CMTM4: variants seen among roughly 807,000 people sequenced by gnomAD.
CMTM4 encodes CKLF-like MARVEL transmembrane domain-containing protein 4.
A neutral mutation model predicts 19.0 loss-of-function variants in CMTM4; 8 were observed. The ratio of observed to expected loss-of-function variants is 0.42; its 90% CI spans 0.25 to 0.76. The LOEUF is 0.76. Among genes scored for constraint, CMTM4 ranks in the 30% least tolerant of loss-of-function variants. The probability of loss-of-function intolerance (pLI) is 0.27; values close to 1 mark genes in which losing one functional copy is unlikely to be tolerated. For missense variants in CMTM4, 228 were observed against 290.2 expected, an observed-to-expected ratio of 0.79 and a Z score of 1.56; for synonymous variants, 106 against 121.1, an observed-to-expected ratio of 0.88 and a Z score of 0.82.
Position 66,692,865 on chromosome 16 carries a change from C to A in CMTM4, c.186+3475G>T, listed in dbSNP as rs939702629. Among the ~76,000 whole-genome samples the A allele has an allele frequency of 4.6e-4, 70 of 151,252 alleles. 1 individual carries two copies. The highest frequency in any genetic ancestry group is 1.7e-3 in the African/African-American group (69 of 41,138). ...GAGGCTGCAGTGAGCCAAGATCTTGCCACTGCACTGCAGCCTGGGTGACAG... is the reference window on the plus strand; with the variant it reads ...GAGGCTGCAGTGAGCCAAGATCTTGACACTGCACTGCAGCCTGGGTGACAG... On this transcript the variant is annotated intron_variant, in intron 1 of 3. Coordinates refer to ENST00000394106, the MANE Select transcript of CMTM4 (RefSeq NM_181521.3).
chr16:66,603,542 C>T, the CMTM4 span, among the ~76,000 whole-genome samples: 4 of 152,210 alleles, frequency 2.6e-5, no homozygotes, highest in East Asian at 7.7e-4. Context: ...CCACCTCAGC[C>T]TCCCAACGTG....
chr16:66,613,446 A>T (rs1210569834), downstream of CMTM4: 1 of 329,740 alleles, frequency 3.0e-6, no homozygotes, highest in Non-Finnish European at 5.7e-6. Context: ...GAGTTCCTGG[A>T]CCCTCAGGAC....
chr16:66,600,148 T>G, the CMTM4 span, among the ~76,000 whole-genome samples: 2 of 145,866 alleles, frequency 1.4e-5, no homozygotes, highest in Non-Finnish European at 3.0e-5. Context: ...TTTTTTTTGT[T>G]TTTTTTTTTT....
chr16:66,646,927 G>A (rs916871034), intron 1 of CMTM4, among the ~76,000 whole-genome samples: 56 of 151,882 alleles, frequency 3.7e-4, no homozygotes, highest in African/African-American at 1.2e-3. Flanking sequence ...GGATGGTCTC[G>A]AACTCCTGAC....
chr16:66,676,370 A>C (rs1043797868), intron 1 of CMTM4, among the ~76,000 whole-genome samples: 12 of 152,200 alleles, frequency 7.9e-5, no homozygotes, highest in African/African-American at 2.9e-4. Flanking sequence ...AAAGATGATC[A>C]CAAATCACAG....
intron 1 of CMTM4, among the ~76,000 whole-genome samples, chr16:66,637,771 C>T (rs983850616): frequency 1.3e-5 from 2 of 152,178 alleles, no homozygotes; most frequent in African/African-American, 4.8e-5. Flanking sequence ...GCTCCCGCTC[C>T]GCCCAGTTCA....
intron 1 of CMTM4, among the ~76,000 whole-genome samples, chr16:66,695,811 T>G (rs935635480): frequency 2.0e-5 from 3 of 152,170 alleles, no homozygotes; most frequent in African/African-American, 7.2e-5. Flanking sequence ...ATATCTGGGC[T>G]CCTCCACTGC....
At position 66,696,713 on chromosome 16, in the gene CMTM4, T is replaced by A; in HGVS notation, c.-188A>T. 6.3e-6 allele frequency: 1 copy of A among 158,376 alleles called. No homozygotes were observed. The highest frequency in any genetic ancestry group is 1.3e-5 in the Non-Finnish European group (1 of 76,360). The allele number at this position is 158,376 out of a possible 1,614,324, so 9.8% of individuals were successfully genotyped here. On this transcript the variant is annotated 5_prime_UTR_variant, in exon 1 of 4. Coordinates refer to ENST00000394106, the MANE Select transcript of CMTM4 (RefSeq NM_181521.3). The surrounding 1 kb of genome is among the most constrained non-coding windows in gnomAD (Gnocchi z 4.3). ...CGGCTGCGGCTCGGTCCGCTCGGGC[T>A]CGGCTCCCGCCGCCTCGGCAGCGGA... is the stretch of plus-strand genomic sequence containing the variant.
chr16:66,674,210 T>C (rs566982681), intron 1 of CMTM4, among the ~76,000 whole-genome samples: 1 of 152,226 alleles, frequency 6.6e-6, no homozygotes, highest in Non-Finnish European at 1.5e-5. Flanking sequence ...CTTGACCAGA[T>C]AGATGGAAAA....
chr16:66,645,651 T>G (rs888582709), intron 1 of CMTM4, among the ~76,000 whole-genome samples: 1 of 151,534 alleles, frequency 6.6e-6, no homozygotes, highest in Non-Finnish European at 1.5e-5. Flanking sequence ...TATGAATAAA[T>G]GCACATGTAT....
Position 66,621,864 on chromosome 16 carries a change from T to A in CMTM4, c.*194A>T. On this transcript the variant is annotated 3_prime_UTR_variant, in exon 4 of 4. Coordinates refer to ENST00000394106, the MANE Select transcript of CMTM4 (RefSeq NM_181521.3). ...CCGGCTGCTCCACAGCCCCAAACGC[T>A]GAGGAACGTGGGCCTCCCAACTCCA... 1 of 1,417,982 alleles carries A rather than the reference T, an allele frequency of 7.1e-7. No individual in the cohort carries two copies. Among genetic ancestry groups the A allele is most frequent in the Non-Finnish European group, 9.2e-7 (1 of 1,088,742 alleles). 87.8% of individuals were successfully genotyped at this position (1,417,982 alleles called of 1,614,324 possible).
chr16:66,646,707 A>AT (rs199769115), intron 1 of CMTM4, among the ~76,000 whole-genome samples: 1,899 of 138,946 alleles, frequency 0.014, 23 homozygotes, highest in African/African-American at 0.036. Context: ...CCATTCATGA[A>AT]TTTTTTTTTT....
intron 1 of CMTM4, among the ~76,000 whole-genome samples, chr16:66,670,009 A>C (rs1290061089): frequency 6.6e-6 from 1 of 152,230 alleles, no homozygotes. Context: ...TCATGAAACA[A>C]AAATAATGTA....
intron 2 of CMTM4, among the ~76,000 whole-genome samples, chr16:66,633,130 T>A (rs1317830924): frequency 2.5e-4 from 36 of 142,954 alleles, no homozygotes; most frequent in African/African-American, 9.0e-4. Flanking sequence ...TATATATATA[T>A]AAATATATAT....
chr16:66,636,537 T>C lies in CMTM4; in HGVS notation c.231A>G (p.Ala77=). 1.9e-6 allele frequency: 3 copies of C among 1,614,166 alleles called. No homozygotes were observed. Among genetic ancestry groups the C allele is most frequent in the Non-Finnish European group, 1.7e-6 (2 of 1,180,018 alleles). ...AGTAGAGGCCTTCACACGGGGAGCATGCCATGATGGTCTCTATGCAGATGA... is the reference window on the plus strand; with the variant it reads ...AGTAGAGGCCTTCACACGGGGAGCACGCCATGATGGTCTCTATGCAGATGA... The part of the protein sequence containing the change: ...IAFICIETIM[A]CSPCEGLYFF... The change falls in exon 2 of 4, where the codon GCA becomes GCG. Residue 77 remains alanine, a synonymous_variant. Coordinates refer to ENST00000394106, the MANE Select transcript of CMTM4 (RefSeq NM_181521.3).
chr16:66,629,425 AT>A (rs1298008992), intron 2 of CMTM4, among the ~76,000 whole-genome samples: 1 of 152,168 alleles, frequency 6.6e-6, no homozygotes, highest in African/African-American at 2.4e-5. Flanking sequence ...TTCTAACCTA[AT>A]TATGATCCAA....
the CMTM4 span, among the ~76,000 whole-genome samples, chr16:66,599,707 C>T: frequency 1.3e-5 from 2 of 152,268 alleles, no homozygotes; most frequent in East Asian, 3.9e-4. Context: ...TAGTTCATCC[C>T]TAAAGAAATG....
intron 1 of CMTM4, among the ~76,000 whole-genome samples, chr16:66,660,552 CAT>C (rs1420061417): frequency 2.6e-5 from 4 of 152,138 alleles, no homozygotes; most frequent in African/African-American, 4.8e-5. Flanking sequence ...TGCACACAGA[CAT>C]ATGTGAACAA....
chr16:66,634,771 CA>C (rs201094160), intron 2 of CMTM4, among the ~76,000 whole-genome samples: 41 of 147,352 alleles, frequency 2.8e-4, no homozygotes, highest in African/African-American at 8.7e-4. Flanking sequence ...AAAAACCCTG[CA>C]AAAAAAAAAA....
Sources: allele counts gnomAD v4.1 joint callset (sites outside exome capture counted in the v4.1 genomes callset), GRCh38; gene constraint gnomAD v4.1.1; non-coding constraint Gnocchi (gnomAD v3.1); transcripts MANE v1.5; gene names NCBI Gene and HGNC (gene_info 2026-07-23, HGNC 2026-07-21).